PAGE2B: variants seen among roughly 807,000 people sequenced by gnomAD.
PAGE2B encodes the protein putative G antigen family E member 3.
A neutral mutation model predicts 7.6 loss-of-function variants in PAGE2B; 5 were observed. That is an observed-to-expected ratio of 0.66 (90% CI 0.34 to 1.38). The LOEUF is 1.38. Ranked by LOEUF, PAGE2B falls within the 40% of genes most tolerant of loss-of-function variation. The pLI is 0.04. For missense variants in PAGE2B, 70 were observed against 78.4 expected, an observed-to-expected ratio of 0.89 and a Z score of 0.41; for synonymous variants, 29 against 26.7, an observed-to-expected ratio of 1.09 and a Z score of -0.27.
chrX:55,075,501 T>G lies in PAGE2B; in HGVS notation c.-9+387T>G, dbSNP rs146522937. On this transcript the variant is annotated intron_variant, in intron 1 of 4. Transcript: ENST00000374971. ...GAAGGGGCCTGGGAACTGGGAACGC[T>G]GTGGGCCGGTGACTGTGGCCCCGAG... is the stretch of plus-strand genomic sequence containing the variant. Among the ~76,000 whole-genome samples the G allele has an allele frequency of 2.4e-3, 262 of 110,968 alleles. 7 individuals are homozygous for G. In the East Asian group the frequency reaches 0.067, roughly 28 times the overall value.
At chrX:55,059,008 A>G in the PAGE2B span, among the ~76,000 whole-genome samples, 1 of 111,420 alleles carries the variant, frequency 9.0e-6, no homozygotes, top group Admixed American at 9.6e-5. Flanking sequence ...TCTTCACAAA[A>G]AAAAAGGAGA....
the PAGE2B span, among the ~76,000 whole-genome samples, chrX:55,034,178 C>T: frequency 8.9e-6 from 1 of 111,973 alleles, no homozygotes; most frequent in East Asian, 2.8e-4. Flanking sequence ...CCCTTACCCA[C>T]ATTCTGGAAT....
At chrX:55,076,424 G>A (rs1602276925) in intron 2 of PAGE2B, 145 bp from the exon 3 acceptor site, 1 of 543,156 alleles carries the variant, frequency 1.8e-6, no homozygotes, top group Non-Finnish European at 2.9e-6. Flanking sequence ...ATATACGTAT[G>A]TATGTATATA....
At chrX:55,060,985 T>A in the PAGE2B span, among the ~76,000 whole-genome samples, 1 of 110,839 alleles carries the variant, frequency 9.0e-6, no homozygotes, top group Non-Finnish European at 1.9e-5. Context: ...AAATGTAAAT[T>A]AACATCTCAA....
At chrX:55,033,547 A>G in the PAGE2B span, among the ~76,000 whole-genome samples, 1 of 111,664 alleles carries the variant, frequency 9.0e-6, no homozygotes, top group African/African-American at 3.3e-5. Context: ...GTCCAAAGGA[A>G]ACACTTTCCT....
the PAGE2B span, among the ~76,000 whole-genome samples, chrX:55,058,723 T>C: frequency 9.0e-6 from 1 of 111,450 alleles, no homozygotes; most frequent in South Asian, 3.8e-4. Context: ...CTATCTTGAA[T>C]TTACAGTTGA....
chrX:55,065,452 A>G, the PAGE2B span, among the ~76,000 whole-genome samples: 1 of 111,344 alleles, frequency 9.0e-6, no homozygotes, highest in East Asian at 2.8e-4. Flanking sequence ...TTATAGGTAA[A>G]GTGGGCACCA....
the PAGE2B span, among the ~76,000 whole-genome samples, chrX:55,042,082 C>T: frequency 1.8e-5 from 2 of 110,921 alleles, no homozygotes; most frequent in East Asian, 2.8e-4. Context: ...AAGAAATAAA[C>T]GGCATCAAAA....
At chrX:55,057,915 G>C in the PAGE2B span, among the ~76,000 whole-genome samples, 31 of 111,460 alleles carry the variant, frequency 2.8e-4, no homozygotes, top group Middle Eastern at 9.2e-3. Context: ...GCTGTATGAC[G>C]GGTTTTAGAC....
chrX:55,068,515 A>T, the PAGE2B span, among the ~76,000 whole-genome samples: 1 of 112,009 alleles, frequency 8.9e-6, no homozygotes, highest in East Asian at 2.8e-4. Context: ...TGTCTTGGCT[A>T]TGAGGGCTCT....
chrX:55,056,465 G>A, the PAGE2B span, among the ~76,000 whole-genome samples: 1 of 111,236 alleles, frequency 9.0e-6, no homozygotes, highest in African/African-American at 3.3e-5. Context: ...GTTGCAGAGA[G>A]CCCATCTGAG....
At chrX:55,054,216 A>T in the PAGE2B span, among the ~76,000 whole-genome samples, 3 of 110,075 alleles carry the variant, frequency 2.7e-5, no homozygotes, top group Non-Finnish European at 5.7e-5. Flanking sequence ...CTTAAAAAAA[A>T]CAAAAAAAAA....
chrX:55,048,194 C>T, the PAGE2B span, among the ~76,000 whole-genome samples: 7 of 111,827 alleles, frequency 6.3e-5, no homozygotes, highest in Admixed American at 3.8e-4. Context: ...TTGGTACCAG[C>T]ACCATGCTGT....
At chrX:55,037,831 C>T in the PAGE2B span, among the ~76,000 whole-genome samples, 2 of 97,020 alleles carry the variant, frequency 2.1e-5, no homozygotes, top group Non-Finnish European at 4.0e-5. Flanking sequence ...TGTTCTCACT[C>T]ATAGGTGGGA....
the PAGE2B span, among the ~76,000 whole-genome samples, chrX:55,036,724 C>T: frequency 9.2e-6 from 1 of 109,272 alleles, no homozygotes; most frequent in Non-Finnish European, 1.9e-5. Context: ...TGGAACAGAA[C>T]AGAGCCCTCA....
the PAGE2B span, among the ~76,000 whole-genome samples, chrX:55,047,694 CT>C: frequency 2.7e-5 from 3 of 111,882 alleles, no homozygotes; most frequent in Non-Finnish European, 5.6e-5. Context: ...TTTCATGTGT[CT>C]TTTGGCTGCA....
the PAGE2B span, among the ~76,000 whole-genome samples, chrX:55,059,712 A>G: frequency 9.0e-6 from 1 of 111,312 alleles, no homozygotes; most frequent in African/African-American, 3.3e-5. Context: ...ATAGAGCTCT[A>G]TAACTTATTT....
chrX:55,037,279 C>T, the PAGE2B span, among the ~76,000 whole-genome samples: 1 of 112,199 alleles, frequency 8.9e-6, no homozygotes, highest in Non-Finnish European at 1.9e-5. Context: ...GACATTTATG[C>T]AGCCAAAAGA....
chrX:55,071,161 T>C (rs990273992), upstream of PAGE2B, among the ~76,000 whole-genome samples: 2 of 111,611 alleles, frequency 1.8e-5, no homozygotes, highest in Non-Finnish European at 3.8e-5. Flanking sequence ...TTTTTGTTTG[T>C]TTGTTTTTTT....
Sources: allele counts gnomAD v4.1 joint callset (sites outside exome capture counted in the v4.1 genomes callset), GRCh38; gene constraint gnomAD v4.1.1; transcripts MANE v1.5; gene names NCBI Gene and HGNC (gene_info 2026-07-23, HGNC 2026-07-21).